ERO1B: variants seen among roughly 807,000 people sequenced by gnomAD.
ERO1B encodes the protein ERO1-like protein beta.
Under a neutral mutation model 75.3 loss-of-function variants are expected in ERO1B, and 49 were observed. The ratio of observed to expected loss-of-function variants is 0.65; its 90% confidence interval spans 0.52 to 0.83. ERO1B has a LOEUF of 0.83. Among genes scored for constraint, ERO1B ranks in the 40% least tolerant of loss-of-function variants. ERO1B has a pLI of 0.00. For missense variants in ERO1B, 512 were observed against 560.1 expected (o/e 0.91, Z 0.87); for synonymous variants, 191 against 192.9 (o/e 0.99, Z 0.08).
intron 2 of ERO1B, among the ~76,000 whole-genome samples, chr1:236,257,949 T>C (rs1665198131): frequency 6.7e-6 from 1 of 150,024 alleles, no homozygotes; most frequent in Non-Finnish European, 1.5e-5. Context: ...CCAAGCAGAA[T>C]TACACACATT....
intron 6 of ERO1B, among the ~76,000 whole-genome samples, chr1:236,240,716 G>A (rs1317562606): frequency 2.0e-5 from 3 of 152,094 alleles, no homozygotes; most frequent in Non-Finnish European, 4.4e-5. Context: ...TAGGCACTAG[G>A]GATACATTAG....
chr1:236,268,620 C>T (rs976262856), intron 2 of ERO1B, among the ~76,000 whole-genome samples: 3 of 152,254 alleles, frequency 2.0e-5, no homozygotes, highest in Admixed American at 6.5e-5. Flanking sequence ...GGCGCGGTGG[C>T]TCACGCCTGT....
At chr1:236,264,043 G>A (rs1199307688) in intron 2 of ERO1B, among the ~76,000 whole-genome samples, 1 of 151,480 alleles carries the variant, frequency 6.6e-6, no homozygotes, top group Non-Finnish European at 1.5e-5. Context: ...ATTAACATAT[G>A]TTTTATTGTT....
intron 2 of ERO1B, among the ~76,000 whole-genome samples, chr1:236,259,617 G>C (rs1665245813): frequency 6.6e-6 from 1 of 152,096 alleles, no homozygotes; most frequent in South Asian, 2.1e-4. Context: ...TAGACTTTAA[G>C]TCAAACATGT....
intron 2 of ERO1B, among the ~76,000 whole-genome samples, chr1:236,269,652 T>C (rs766750863): frequency 2.0e-5 from 3 of 152,292 alleles, no homozygotes; most frequent in South Asian, 2.1e-4. Context: ...AGTCTCTGCC[T>C]AAAAACCAAA....
chr1:236,277,690 TAGTA>T (rs1236346884), intron 1 of ERO1B, among the ~76,000 whole-genome samples: 2 of 152,144 alleles, frequency 1.3e-5, no homozygotes, highest in African/African-American at 4.8e-5. Context: ...GCTCCAATTT[TAGTA>T]AGGTATGAAC....
intron 5 of ERO1B, among the ~76,000 whole-genome samples, chr1:236,243,820 A>G (rs1249905504): frequency 6.6e-6 from 1 of 152,282 alleles, no homozygotes; most frequent in East Asian, 1.9e-4. Flanking sequence ...CTTTTCAATT[A>G]ACTTAGAAAT....
rs894821228 is a variant in ERO1B, at chr1:236,236,331, T to G, written c.573A>C (p.Lys191Asn). The G allele has an allele frequency of 1.2e-6, 2 of 1,613,154 alleles. No homozygotes were observed. Among genetic ancestry groups the G allele is most frequent in the Non-Finnish European group, 1.7e-6 (2 of 1,179,592 alleles). ...TCCACACTCTCCATGCAGAGGTCCC[T>G]TTATAGCCAGTGTAACGCTCTGGGT... ...LLNPERYTGY[K>N]GTSAWRVWNS... The change falls in exon 7 of 16, where the codon AAA becomes AAC. Residue 191 changes from lysine (K) to asparagine (N), a missense_variant. Transcript: ENST00000354619.
chr1:236,243,421 C>T lies in ERO1B; in HGVS notation c.505+1G>A, dbSNP rs751606576. The T allele has an allele frequency of 3.0e-5, 48 of 1,580,166 alleles. No individual in the cohort carries two copies. The East Asian group carries it at 1.1e-3, about 35-fold the overall frequency. On this transcript the variant is annotated splice_donor_variant, in intron 6 of 15. Coordinates refer to ENST00000354619, the MANE Select transcript of ERO1B (RefSeq NM_019891.4). LOFTEE classifies it high-confidence loss of function. ...TTAATTATAATAGTTTATTGTATTA[C>T]CATCAAGTTCACAAAAGTGATCCCG...
chr1:236,281,881 G>A lies in ERO1B; in HGVS notation c.-98C>T, dbSNP rs1039284819. On this transcript the variant is annotated 5_prime_UTR_variant, in exon 1 of 16. Transcript: ENST00000354619. The stretch of plus-strand genomic sequence containing the variant: ...CCCAAGGGGACGGTTCCCAGCGGCC[G>A]AGCGACTCCAGGGTCAGAGGTCTGC... 1.3e-5 allele frequency: 11 copies of A among 863,934 alleles called. No individual in the cohort carries two copies. The highest frequency in any genetic ancestry group is 3.9e-5 in the Admixed American group (1 of 25,352). 53.5% of individuals were successfully genotyped at this position (863,934 alleles called of 1,614,324 possible).
chr1:236,273,295 C>T (rs1239009002), intron 1 of ERO1B, among the ~76,000 whole-genome samples: 1 of 152,152 alleles, frequency 6.6e-6, no homozygotes, highest in African/African-American at 2.4e-5. Context: ...GGAAATGCAA[C>T]CTTGCTGACA....
intron 8 of ERO1B, among the ~76,000 whole-genome samples, 197 bp from the exon 9 acceptor site, chr1:236,233,036 G>A (rs1664452121): frequency 6.6e-6 from 1 of 152,090 alleles, no homozygotes; most frequent in East Asian, 1.9e-4. Context: ...TTGGCCAGGC[G>A]TGGTGGCTCA....
Position 236,232,814 on chromosome 1 carries a change from T to A in ERO1B, c.685+14A>T, listed in dbSNP as rs1320092336. 6.3e-7 allele frequency: 1 copy of A among 1,593,048 alleles called. No individual in the cohort carries two copies. The highest frequency in any genetic ancestry group is 8.5e-7 in the Non-Finnish European group (1 of 1,169,934). On this transcript the variant is annotated intron_variant, in intron 9 of 15. Transcript: ENST00000354619. ...CCTCCACACTTGAAACAAACAAACA[T>A]GAGTTTTGCTCACCATCATCTTCGC...
chr1:236,268,866 A>G (rs992002000), intron 2 of ERO1B, among the ~76,000 whole-genome samples: 14 of 152,168 alleles, frequency 9.2e-5, no homozygotes, highest in Non-Finnish European at 7.4e-5. Flanking sequence ...AGCCTGGGCG[A>G]CGGAGTGAGA....
rs143287295 is a variant in ERO1B, at chr1:236,220,705, T to G, written c.1343+127A>C. ...CAGCATTAAGGCCTCTCTAAGTTAG[T>G]ACAGATACAATATAAAATTTTTTTT... On this transcript the variant is annotated intron_variant, in intron 15 of 15. Transcript: ENST00000354619. The G allele has an allele frequency of 3.1e-5, 30 of 963,380 alleles. No homozygotes were observed. The East Asian group carries it at 8.1e-4, about 26-fold the overall frequency. 59.7% of individuals were successfully genotyped at this position (963,380 alleles called of 1,614,324 possible).
rs1317035086 is a variant in ERO1B at position 236,243,117 on chromosome 1, T to C, written c.505+305A>G. Among the ~76,000 whole-genome samples the C allele has an allele frequency of 2.0e-5, 3 of 152,244 alleles. No individual in the cohort carries two copies. The East Asian group carries it at 5.8e-4, about 29-fold the overall frequency. ...TGGATTCGGATATGGGATCAAATCC[T>C]GCCTCAGCCTCTTGCTATTGTGTGA... On this transcript the variant is annotated intron_variant, in intron 6 of 15. Coordinates refer to ENST00000354619, the MANE Select transcript of ERO1B (RefSeq NM_019891.4).
At chr1:236,219,019 T>C (rs1749600) in intron 15 of ERO1B, among the ~76,000 whole-genome samples, 60,436 of 151,942 alleles carry the variant, frequency 0.4, 12,249 homozygotes, top group East Asian at 0.48. Flanking sequence ...ATGCTTATAG[T>C]ATTCAGTAAA....
chr1:236,276,088 C>T (rs1665705418), intron 1 of ERO1B, among the ~76,000 whole-genome samples: 1 of 152,140 alleles, frequency 6.6e-6, no homozygotes, highest in Non-Finnish European at 1.5e-5. Context: ...AATGTATCTG[C>T]CATGTTTAAG....
intron 2 of ERO1B, among the ~76,000 whole-genome samples, chr1:236,260,218 CTA>C (rs1665263456): frequency 6.6e-6 from 1 of 152,086 alleles, no homozygotes; most frequent in Non-Finnish European, 1.5e-5. Context: ...CTAATCACGA[CTA>C]TGTTCCAATA....
Sources: allele counts gnomAD v4.1 joint callset (sites outside exome capture counted in the v4.1 genomes callset), GRCh38; gene constraint gnomAD v4.1.1; transcripts MANE v1.5; gene names NCBI Gene and HGNC (gene_info 2026-07-23, HGNC 2026-07-21).